The following TNS1 variants were observed in gnomAD, a reference collection of about 807,000 sequenced individuals.
The protein encoded by TNS1 is tensin 1.
TNS1 carries 62 observed loss-of-function variants against 168.6 expected under a neutral mutation model. The ratio of observed to expected loss-of-function variants is 0.37; its 90% CI spans 0.30 to 0.45. The LOEUF (loss-of-function observed/expected upper bound fraction) is 0.45, where lower values mean the gene tolerates loss of function less well. TNS1 is among the 20% of genes least tolerant of loss of function. The pLI is 1.00. For synonymous variants in TNS1, 934 were observed against 933.2 expected (o/e 1.00, Z -0.02); for missense variants, 2,240 against 2,339.4 (o/e 0.96, Z 0.88).
At chr2:217,951,602 G>A (rs538088668) in intron 3 of TNS1, among the ~76,000 whole-genome samples, 55 of 152,242 alleles carry the variant, frequency 3.6e-4, no homozygotes, top group Non-Finnish European at 6.2e-4. Context: ...AGCATATCAG[G>A]GCTCTCCTTG....
chr2:217,824,409 G>T (rs1301384918), intron 22 of TNS1, among the ~76,000 whole-genome samples: 4 of 152,188 alleles, frequency 2.6e-5, no homozygotes, highest in Non-Finnish European at 5.9e-5. Flanking sequence ...CAGCCCATCA[G>T]GCAGAGAAAA....
intron 12 of TNS1, among the ~76,000 whole-genome samples, chr2:217,889,519 C>G (rs1199138919): frequency 3.9e-5 from 6 of 152,228 alleles, no homozygotes; most frequent in Non-Finnish European, 7.3e-5. Context: ...ATTCTGGATC[C>G]TTTATCCCGT....
chr2:217,834,652 C>T (rs918738747), intron 21 of TNS1, among the ~76,000 whole-genome samples: 2 of 152,106 alleles, frequency 1.3e-5, no homozygotes, highest in African/African-American at 4.8e-5. Flanking sequence ...GTCCCTCTCT[C>T]CTTGGTAGAA....
intron 1 of TNS1, among the ~76,000 whole-genome samples, chr2:217,996,679 A>G (rs1463183146): frequency 6.6e-6 from 1 of 151,380 alleles, no homozygotes. Context: ...TTCTAATCCT[A>G]CTGCCTCTGC....
upstream of TNS1, among the ~76,000 whole-genome samples, chr2:218,010,659 T>A: frequency 2.9e-5 from 4 of 140,226 alleles, no homozygotes; most frequent in East Asian, 3.0e-4. Context: ...GGCGTCCACC[T>A]GCGAGGAAGG....
rs1937218421 is a variant in TNS1, at chr2:217,799,886, C to T, written c.*4573G>A. 1 of 152,166 alleles carries T rather than the reference C, an allele frequency of 6.6e-6. No individual in the cohort carries two copies. Among genetic ancestry groups the T allele is most frequent in the Non-Finnish European group, 1.5e-5 (1 of 68,036 alleles). The allele number at this position is 152,166 out of a possible 1,614,324, so 9.4% of individuals were successfully genotyped here. Reference sequence around the variant, plus strand: ...AGTGGGGACGCGTCAGTGTACAATACATTCATGTCCAGGATAAGGAGCATA... The same window carrying T: ...AGTGGGGACGCGTCAGTGTACAATATATTCATGTCCAGGATAAGGAGCATA... On this transcript the variant is annotated 3_prime_UTR_variant, in exon 33 of 33. Coordinates refer to ENST00000682258, the MANE Select transcript of TNS1 (RefSeq NM_001387777.1).
In TNS1 at chr2:217,808,775, C is replaced by T. The variant is rs878933653; in HGVS notation, c.5274-104G>A. 5.1e-5 allele frequency: 52 copies of T among 1,020,416 alleles called. No homozygotes were observed. The South Asian group carries it at 5.5e-4, about 11-fold the overall frequency. The allele number at this position is 1,020,416 out of a possible 1,614,324, so 63.2% of individuals were successfully genotyped here. A position where few individuals can be genotyped will look rare whatever the true frequency, so the allele number is the denominator to read the frequency against. On this transcript the variant is annotated intron_variant, in intron 30 of 32. Transcript: ENST00000682258. ...CCACCTTTCCACCATCTGTGGCTAT[C>T]GCAGGTCCACACAACTTCTCTCTTA...
At chr2:217,883,350 GA>G (rs1382786188) in intron 16 of TNS1, among the ~76,000 whole-genome samples, 2 of 150,806 alleles carry the variant, frequency 1.3e-5, no homozygotes, top group Non-Finnish European at 3.0e-5. Context: ...CTGCAGCCTT[GA>G]ACTCCTGGGC....
At position 217,885,152 on chromosome 2, in the gene TNS1, G is replaced by T; in HGVS notation, c.1129C>A (p.His377Asn). Reference protein sequence around the residue: ...LKGDILLKCYHKKFRSPARDV... With the variant: ...LKGDILLKCYNKKFRSPARDV... Reference sequence around the variant, plus strand: ...CGGGCTGGGCTTCGGAACTTCTTGTGGTAGCACTTCAGCTGGGTGGGAAGA... The same window carrying T: ...CGGGCTGGGCTTCGGAACTTCTTGTTGTAGCACTTCAGCTGGGTGGGAAGA... Residue 377 changes from histidine (H) to asparagine (N), a missense_variant, in exon 16 of 33, where the codon CAC (histidine) becomes AAC (asparagine). Around this residue, in one of 2 missense-constraint regions of TNS1, gnomAD observed 2,131 missense variants for 2,171.2 expected, o/e 0.98. Transcript: ENST00000682258. The T allele has an allele frequency of 1.9e-6, 3 of 1,614,190 alleles. No individual in the cohort carries two copies. Among genetic ancestry groups the T allele is most frequent in the Non-Finnish European group, 2.5e-6 (3 of 1,180,030 alleles).
chr2:217,954,921 A>G (rs1052725943), intron 3 of TNS1, among the ~76,000 whole-genome samples: 11 of 152,140 alleles, frequency 7.2e-5, no homozygotes, highest in African/African-American at 2.7e-4. Context: ...ACACATACAC[A>G]TGCACAGAAG....
At position 217,882,484 on chromosome 2, in the gene TNS1, G is replaced by A; in HGVS notation, c.1247-73C>T. On this transcript the variant is annotated intron_variant, in intron 16 of 32. Coordinates refer to ENST00000682258, the MANE Select transcript of TNS1 (RefSeq NM_001387777.1). ...GGATTCCATAAAAAGTTTTCTTCTA[G>A]AAAAAATTAAAATACCATATATGTA... 6 of 1,005,734 alleles carry A rather than the reference G, an allele frequency of 6.0e-6. No homozygotes were observed. The East Asian group carries it at 7.6e-5, about 13-fold the overall frequency. 62.3% of individuals were successfully genotyped at this position (1,005,734 alleles called of 1,614,324 possible).
intron 3 of TNS1, 121 bp from the exon 4 acceptor site, chr2:217,920,357 G>T: frequency 1.5e-6 from 1 of 672,004 alleles, no homozygotes; most frequent in Non-Finnish European, 2.7e-6. Flanking sequence ...GACACCTTCT[G>T]GGTTGAGAGT....
At chr2:217,841,869 C>T (rs551868976) in intron 19 of TNS1, among the ~76,000 whole-genome samples, 16 of 152,310 alleles carry the variant, frequency 1.1e-4, no homozygotes, top group African/African-American at 3.1e-4. Context: ...CTGCTCTGGC[C>T]CCCAGCTTCT....
At position 217,900,487 on chromosome 2, in the gene TNS1, A is replaced by T; in HGVS notation, c.347T>A (p.Val116Asp). 6.5e-7 allele frequency: 1 copy of T among 1,535,394 alleles called. No homozygotes were observed. The highest frequency in any genetic ancestry group is 8.7e-7 in the Non-Finnish European group (1 of 1,146,698). Residue 116 changes from valine (V) to aspartate (D), a missense_variant, in exon 7 of 33, where the codon GTC becomes GAC. By Grantham distance (152) the Val-to-Asp change is radical (BLOSUM62 -3). Transcript: ENST00000682258. ...CCTGATGGGCTGGAGGTGGGGCTGG[A>T]CACTCGGGGTGACCCTGGTGGAGCC... ...DNGSTRVTPS[V>D]QPHLQPIRNM...
intron 22 of TNS1, 54 bp downstream of exon 22, chr2:217,831,401 C>T: frequency 6.8e-7 from 1 of 1,461,958 alleles, no homozygotes; most frequent in South Asian, 1.3e-5. Context: ...TCCAGAACCA[C>T]AGGAGTCCTC....
chr2:217,932,391 T>C (rs969422335), intron 3 of TNS1, among the ~76,000 whole-genome samples: 1 of 152,168 alleles, frequency 6.6e-6, no homozygotes, highest in African/African-American at 2.4e-5. Flanking sequence ...CTTTGCAGAG[T>C]GGCTGGAAGT....
Position 217,922,979 on chromosome 2 carries a change from G to A in TNS1, c.187-2743C>T, listed in dbSNP as rs1251436257. 4.6e-5 allele frequency among the ~76,000 whole-genome samples: 7 copies of A among 152,068 alleles called. No individual in the cohort carries two copies. The East Asian group carries it at 9.7e-4, about 21-fold the overall frequency. ...AGAAATGTTTCCTTAAAAGGCTCTC[G>A]CCTTCTCTCCGGCACCCTGGCCCCT... On this transcript the variant is annotated intron_variant, in intron 3 of 32. Coordinates refer to ENST00000682258, the MANE Select transcript of TNS1 (RefSeq NM_001387777.1).
Position 217,813,597 on chromosome 2 carries a change from C to T in TNS1, c.4861+88G>A. 2.6e-6 allele frequency: 4 copies of T among 1,519,272 alleles called. No homozygotes were observed. Among genetic ancestry groups the T allele is most frequent in the Non-Finnish European group, 3.5e-6 (4 of 1,132,206 alleles). 94.1% of individuals were successfully genotyped at this position (1,519,272 alleles called of 1,614,324 possible). ...AGCCTGATGGGAGTTAAGGTCCTGC[C>T]CAGCACCCTGGGTCCCTCCAGCACC... is the stretch of plus-strand genomic sequence containing the variant. On this transcript the variant is annotated intron_variant, in intron 26 of 32. Coordinates refer to ENST00000682258, the MANE Select transcript of TNS1 (RefSeq NM_001387777.1). The surrounding 1 kb of genome is among the most constrained non-coding windows in gnomAD (Gnocchi z 4.0).
chr2:217,983,212 C>A (rs985018165), intron 2 of TNS1, among the ~76,000 whole-genome samples: 2 of 152,170 alleles, frequency 1.3e-5, no homozygotes, highest in African/African-American at 4.8e-5. Context: ...GAAACAAGAG[C>A]AGGAAAACCC....
Sources: gnomAD v4.1 joint callset for allele counts (sites outside exome capture counted in the v4.1 genomes callset) on GRCh38, gnomAD v4.1.1 for gene constraint, gnomAD v4.1.1 regional missense constraint, Gnocchi (gnomAD v3.1) non-coding constraint, MANE v1.5 for transcripts, NCBI Gene and HGNC (gene_info 2026-07-23, HGNC 2026-07-21) for gene names.